The following PCDHA13 variants were observed in gnomAD, a reference collection of about 807,000 sequenced individuals.
The protein encoded by PCDHA13 is protocadherin alpha-13.
PCDHA13 carries 54 observed loss-of-function variants against 64.8 expected under a neutral mutation model. The ratio of observed to expected loss-of-function variants is 0.83; its 90% CI spans 0.67 to 1.04. PCDHA13 has a LOEUF of 1.04. PCDHA13 is among the 50% of genes least tolerant of loss of function. The pLI is 0.00. For missense variants in PCDHA13, 1,248 were observed against 1,254.3 expected, an observed-to-expected ratio of 0.99 and a Z score of 0.08; for synonymous variants, 587 against 564.4, an observed-to-expected ratio of 1.04 and a Z score of -0.57.
At chr5:140,895,843 C>G (rs574376494) in intron 1 of PCDHA13, among the ~76,000 whole-genome samples, 1 of 152,232 alleles carries the variant, frequency 6.6e-6, no homozygotes, top group East Asian at 1.9e-4. Context: ...CAAAGTCTCA[C>G]TCTTGTACCC....
intron 1 of PCDHA13, among the ~76,000 whole-genome samples, chr5:140,890,014 A>G (rs1402612271): frequency 6.6e-6 from 1 of 152,148 alleles, no homozygotes; most frequent in African/African-American, 2.4e-5. Flanking sequence ...TGCCAGAAAA[A>G]TGTAGAAGGC....
chr5:140,988,936 T>C (rs2097321406), intron 3 of PCDHA13: 1 of 152,158 alleles, frequency 6.6e-6, no homozygotes, highest in Non-Finnish European at 1.5e-5. Flanking sequence ...ACTGTTCTCT[T>C]AGGCTGCAGT....
At chr5:140,892,158 T>C (rs1442080527) in intron 1 of PCDHA13, among the ~76,000 whole-genome samples, 1 of 152,242 alleles carries the variant, frequency 6.6e-6, no homozygotes, top group Non-Finnish European at 1.5e-5. Context: ...ATTTCTGATA[T>C]GTCCAGTAAC....
rs182574783 is a variant in PCDHA13, at chr5:140,952,922, G to A, written c.2395-26027G>A. Among the ~76,000 whole-genome samples the A allele has an allele frequency of 2.3e-3, 351 of 152,216 alleles. 2 individuals carry two copies. Among genetic ancestry groups the A allele is most frequent in the Admixed American group, 5.6e-3 (85 of 15,264 alleles). Reference sequence around the variant, plus strand: ...ATCAAGCTCATCTTACATGGCATGAGCAGGAGCAGGAGCAAGAGAGAGAGA... The same window carrying A: ...ATCAAGCTCATCTTACATGGCATGAACAGGAGCAGGAGCAAGAGAGAGAGA... On this transcript the variant is annotated intron_variant, in intron 1 of 3. Transcript: ENST00000289272.
chr5:140,961,776 A>G (rs1554225585), intron 1 of PCDHA13, among the ~76,000 whole-genome samples: 1 of 152,188 alleles, frequency 6.6e-6, no homozygotes, highest in African/African-American at 2.4e-5. Flanking sequence ...ATCAAGCTTA[A>G]TGGCACTTTT....
chr5:140,984,659 C>G (rs560265457), intron 3 of PCDHA13, among the ~76,000 whole-genome samples: 4 of 152,246 alleles, frequency 2.6e-5, no homozygotes, highest in African/African-American at 9.6e-5. Flanking sequence ...CCTTCTGGTA[C>G]TTTTAGGTTT....
chr5:140,891,876 G>C (rs781983742), intron 1 of PCDHA13, among the ~76,000 whole-genome samples: 9 of 152,186 alleles, frequency 5.9e-5, no homozygotes, highest in Non-Finnish European at 1.2e-4. Context: ...TTTTGGCTCT[G>C]TCATGTGACG....
At chr5:140,926,946 A>C in intron 1 of PCDHA13, 1 of 1,590,228 alleles carries the variant, frequency 6.3e-7, no homozygotes, top group Non-Finnish European at 8.6e-7. Context: ...GCGGCGCTGC[A>C]GCGGGACAGC....
At chr5:140,900,429 C>A (rs1202126306) in intron 1 of PCDHA13, among the ~76,000 whole-genome samples, 1 of 152,174 alleles carries the variant, frequency 6.6e-6, no homozygotes, top group East Asian at 1.9e-4. Context: ...AGGCACGTGC[C>A]ACCACGGCCG....
At position 140,884,440 on chromosome 5, in the gene PCDHA13, G is replaced by C. The variant is rs1554181563; in HGVS notation, c.2172G>C (p.Ser724=). The C allele has an allele frequency of 3.1e-6, 5 of 1,613,830 alleles. No homozygotes were observed. Among genetic ancestry groups the C allele is most frequent in the Non-Finnish European group, 2.5e-6 (3 of 1,179,814 alleles). Residue 724 remains serine (S), a synonymous_variant, in exon 1 of 4, where the codon TCG becomes TCC. Transcript: ENST00000289272. Reference sequence around the variant, plus strand: ...TGCTGTATACTGCGCTGCGGTGCTCGGCACCGCCCACCGAGGGCGCGTGCG... The same window carrying C: ...TGCTGTATACTGCGCTGCGGTGCTCCGCACCGCCCACCGAGGGCGCGTGCG... ...TLLLYTALRC[S]APPTEGACAP...
intron 1 of PCDHA13, among the ~76,000 whole-genome samples, chr5:140,886,827 G>GA (rs782016620): frequency 0.032 from 1,958 of 60,672 alleles, 33 homozygotes; most frequent in African/African-American, 0.049. Context: ...ACTTCGTCTT[G>GA]AAAAAAAAAA....
At chr5:140,985,386 T>A (rs2097149117) in intron 3 of PCDHA13, among the ~76,000 whole-genome samples, 1 of 152,170 alleles carries the variant, frequency 6.6e-6, no homozygotes, top group African/African-American at 2.4e-5. Context: ...TATAATCCAG[T>A]CACCCCAACT....
chr5:140,954,208 A>C (rs568734009), intron 1 of PCDHA13, among the ~76,000 whole-genome samples: 1 of 152,254 alleles, frequency 6.6e-6, no homozygotes, highest in Admixed American at 6.5e-5. Context: ...GGTTGATCCC[A>C]TGTTTTTGCT....
chr5:140,963,770 C>T (rs1296794666), intron 1 of PCDHA13, among the ~76,000 whole-genome samples: 2 of 152,176 alleles, frequency 1.3e-5, no homozygotes, highest in Non-Finnish European at 2.9e-5. Context: ...TATTTCATGA[C>T]GACAGCAACA....
At position 140,920,535 on chromosome 5, in the gene PCDHA13, T is replaced by C. The variant is rs75447697; in HGVS notation, c.2394+35873T>C. ...TATGCAATTCGTTAGACTCAGGTTT[T>C]CTATTTCACCTTCGAAGTGTGGCCC... is the stretch of plus-strand genomic sequence containing the variant. On this transcript the variant is annotated intron_variant, in intron 1 of 3. Transcript: ENST00000289272. Among the ~76,000 whole-genome samples the C allele has an allele frequency of 1.3e-3, 198 of 152,336 alleles. 1 individual carries two copies. Among genetic ancestry groups the C allele is most frequent in the African/African-American group, 4.5e-3 (189 of 41,590 alleles).
chr5:141,002,681 C>T (rs556518008), intron 3 of PCDHA13, among the ~76,000 whole-genome samples: 32 of 152,154 alleles, frequency 2.1e-4, no homozygotes, highest in Non-Finnish European at 4.0e-4. Context: ...ACCTATACGA[C>T]GTGCAGATTT....
intron 1 of PCDHA13, among the ~76,000 whole-genome samples, chr5:140,956,034 A>C (rs1274584028): frequency 1.3e-5 from 2 of 152,200 alleles, no homozygotes; most frequent in Non-Finnish European, 2.9e-5. Flanking sequence ...TTATCAGCTT[A>C]AGAAGCTTTT....
At chr5:140,928,344 G>T (rs1554205800) in intron 1 of PCDHA13, 2 of 1,614,168 alleles carry the variant, frequency 1.2e-6, no homozygotes, top group East Asian at 2.2e-5. Flanking sequence ...CTTATGAGCT[G>T]TTGGATGTTA....
chr5:140,992,400 T>C (rs1019164556), intron 3 of PCDHA13, among the ~76,000 whole-genome samples: 1 of 152,124 alleles, frequency 6.6e-6, no homozygotes, highest in Admixed American at 6.5e-5. Context: ...CTTAGAGATA[T>C]TGTTCTGCCC....
Sources: allele counts gnomAD v4.1 joint callset (sites outside exome capture counted in the v4.1 genomes callset), GRCh38; gene constraint gnomAD v4.1.1; transcripts MANE v1.5; gene names NCBI Gene and HGNC (gene_info 2026-07-23, HGNC 2026-07-21).